MTTP: variants seen among roughly 807,000 people sequenced by gnomAD.
MTTP encodes the protein microsomal triglyceride transfer protein large subunit.
MTTP carries 49 observed loss-of-function variants against 90.6 expected under a neutral mutation model. The ratio of observed to expected loss-of-function variants is 0.54; its 90% CI spans 0.43 to 0.69. MTTP has a LOEUF of 0.69. Among genes scored for constraint, MTTP ranks in the 30% least tolerant of loss-of-function variants. The pLI is 0.00. For missense variants in MTTP, 945 were observed against 1,067.5 expected (o/e 0.89, Z 1.60); for synonymous variants, 347 against 384.2 (o/e 0.90, Z 1.13).
At chr4:99,566,310 A>G (rs1193390478) in intron 1 of MTTP, among the ~76,000 whole-genome samples, 2 of 148,744 alleles carry the variant, frequency 1.3e-5, no homozygotes, top group African/African-American at 2.5e-5. Context: ...AAAAAAAAAA[A>G]AAAAGAAAAA....
intron 17 of MTTP, among the ~76,000 whole-genome samples, chr4:99,621,913 C>G (rs1049602765): frequency 2.0e-5 from 3 of 152,112 alleles, no homozygotes; most frequent in Non-Finnish European, 4.4e-5. Context: ...TAATAGTTGA[C>G]CTACGGTAAG....
chr4:99,621,288 G>A, intron 17 of MTTP, 57 bp downstream of exon 17: 1 of 1,572,510 alleles, frequency 6.4e-7, no homozygotes, highest in Non-Finnish European at 8.8e-7. Context: ...CCAGGAACTT[G>A]CATTCAGTTT....
At chr4:99,599,243 G>A (rs1366031894) in intron 8 of MTTP, among the ~76,000 whole-genome samples, 3 of 152,118 alleles carry the variant, frequency 2.0e-5, no homozygotes, top group Admixed American at 6.5e-5. Flanking sequence ...TAATATTCTG[G>A]TAAGTTTTGA....
intron 1 of MTTP, among the ~76,000 whole-genome samples, chr4:99,566,116 C>G (rs1015465028): frequency 9.2e-5 from 14 of 151,558 alleles, no homozygotes; most frequent in African/African-American, 3.4e-4. Flanking sequence ...AGTGAAACCC[C>G]GTCTCTGCTG....
intron 1 of MTTP, among the ~76,000 whole-genome samples, chr4:99,565,297 A>C (rs1230228891): frequency 6.6e-6 from 1 of 152,240 alleles, no homozygotes; most frequent in Non-Finnish European, 1.5e-5. Context: ...ACAAAGTTTT[A>C]AAGCAAAAAA....
At chr4:99,566,298 A>AAG (rs1051059889) in intron 1 of MTTP, among the ~76,000 whole-genome samples, 2 of 57,434 alleles carry the variant, frequency 3.5e-5, no homozygotes, top group Non-Finnish European at 6.2e-5. Context: ...CAAAAAAAAG[A>AAG]AAAAAAAAAA....
At chr4:99,570,574 G>T, upstream of MTTP, 1 of 396,036 alleles carries the variant, frequency 2.5e-6, no homozygotes, top group Non-Finnish European at 5.0e-6. Flanking sequence ...GGCAGACAAT[G>T]GCTCCCCAAA....
chr4:99,605,829 C>T (rs887895470), intron 10 of MTTP, among the ~76,000 whole-genome samples: 1 of 151,030 alleles, frequency 6.6e-6, no homozygotes, highest in Non-Finnish European at 1.5e-5. Flanking sequence ...TAATACTTCT[C>T]CACTCTTCCC....
chr4:99,609,006 G>C lies in MTTP; in HGVS notation c.1769+29G>C, dbSNP rs776810626. On this transcript the variant is annotated intron_variant, in intron 12 of 17. Transcript: ENST00000265517. ...TAATACATTGCACATGTCTCTCTGT[G>C]TATTCAAGCTTATTTGTGTGTTCAT... 3.5e-5 allele frequency: 55 copies of C among 1,579,464 alleles called. 1 individual carries two copies. The South Asian group carries it at 6.1e-4, about 17-fold the overall frequency.
chr4:99,586,454 C>G (rs1290711750), intron 3 of MTTP, among the ~76,000 whole-genome samples: 1 of 152,208 alleles, frequency 6.6e-6, no homozygotes, highest in African/African-American at 2.4e-5. Context: ...GCTGCTGAGT[C>G]AGACCTTTAT....
At chr4:99,612,668 C>T (rs1277652749) in intron 14 of MTTP, among the ~76,000 whole-genome samples, 2 of 152,040 alleles carry the variant, frequency 1.3e-5, no homozygotes, top group Non-Finnish European at 2.9e-5. Flanking sequence ...CTTTTTTTGC[C>T]TCATCTACAA....
At chr4:99,569,099 C>G (rs757887146) in intron 1 of MTTP, among the ~76,000 whole-genome samples, 25 of 152,204 alleles carry the variant, frequency 1.6e-4, no homozygotes, top group Admixed American at 6.5e-4. Context: ...ACTGCTGAGC[C>G]AGGTGATCAA....
At chr4:99,566,288 CAAAAAAAAGAAAAAAAAA>C (rs975506756) in intron 1 of MTTP, among the ~76,000 whole-genome samples, 16 of 80,448 alleles carry the variant, frequency 2.0e-4, no homozygotes, top group Admixed American at 1.4e-3. Flanking sequence ...TACTCCGTCT[CAAAAAAAAGAAAAAAAAA>C]AAAAAAAAGA....
rs754693915 is a variant in MTTP, at chr4:99,583,492, C to T, written c.368C>T (p.Thr123Met). ...KENLEALQRP[T>M]LLHLIHGKVK... ...AACTTGGAAGCTCTGCAAAGACCTA[C>T]GCTCCTTCATCTAATCCATGGAAAG... The change falls in exon 3 of 18, where the codon ACG becomes ATG. Residue 123 changes from threonine to methionine, a missense_variant. Transcript: ENST00000265517. 38 of 1,613,476 alleles carry T rather than the reference C, an allele frequency of 2.4e-5. No individual in the cohort carries two copies. Among genetic ancestry groups the T allele is most frequent in the Admixed American group, 2.2e-4 (13 of 59,982 alleles).
intron 4 of MTTP, among the ~76,000 whole-genome samples, chr4:99,590,840 C>T (rs1322375001): frequency 1.8e-5 from 1 of 56,200 alleles, no homozygotes; most frequent in African/African-American, 1.7e-4. Context: ...TGAAGTTACA[C>T]ACACACACAC....
At chr4:99,615,460 C>T (rs1476081661) in intron 15 of MTTP, among the ~76,000 whole-genome samples, 1 of 152,168 alleles carries the variant, frequency 6.6e-6, no homozygotes, top group East Asian at 1.9e-4. Context: ...AAAGATTGCC[C>T]CCTAGCTATT....
chr4:99,581,810 T>C (rs941714806), intron 1 of MTTP, 95 bp from the exon 2 acceptor site: 14 of 1,273,254 alleles, frequency 1.1e-5, no homozygotes, highest in Non-Finnish European at 1.5e-5. Context: ...TTTACCAAGC[T>C]TCCTGAGCCC....
chr4:99,566,297 G>GAAAA (rs567380343), intron 1 of MTTP, among the ~76,000 whole-genome samples: 42 of 117,528 alleles, frequency 3.6e-4, no homozygotes, highest in Admixed American at 1.7e-3. Context: ...TCAAAAAAAA[G>GAAAA]AAAAAAAAAA....
In MTTP at chr4:99,564,380, A is replaced by G. The variant is rs1724606090; in HGVS notation, c.-102+143A>G. 6 of 786,712 alleles carry G rather than the reference A, an allele frequency of 7.6e-6. No homozygotes were observed. The Admixed American group carries it at 1.9e-4, about 25-fold the overall frequency. 48.7% of individuals were successfully genotyped at this position (786,712 alleles called of 1,614,324 possible). A position where few individuals can be genotyped will look rare whatever the true frequency, so the allele number is the denominator to read the frequency against. ...TTTTTAATTTATACAGAAAATTACCATATCACATGATTTTACATAACTCAA... is the reference window on the plus strand; with the variant it reads ...TTTTTAATTTATACAGAAAATTACCGTATCACATGATTTTACATAACTCAA... On this transcript the variant is annotated intron_variant, in intron 1 of 18. Coordinates refer to the MTTP transcript ENST00000457717.
Sources: gnomAD v4.1 joint callset for allele counts (sites outside exome capture counted in the v4.1 genomes callset) on GRCh38, gnomAD v4.1.1 for gene constraint, MANE v1.5 for transcripts, NCBI Gene and HGNC (gene_info 2026-07-23, HGNC 2026-07-21) for gene names.